The following EPHB1 variants were observed in gnomAD, a reference collection of about 807,000 sequenced individuals.
EPHB1 encodes ephrin type-B receptor 1.
In EPHB1, 30 loss-of-function variants were observed where a neutral mutation model predicts 94.4. That is an observed-to-expected ratio of 0.32 (90% confidence interval 0.24 to 0.43). The LOEUF (loss-of-function observed/expected upper bound fraction) is 0.43. Ranked by LOEUF, EPHB1 falls within the 20% of genes least tolerant of loss-of-function variation. EPHB1 has a pLI of 1.00. For synonymous variants in EPHB1, 522 were observed against 489.1 expected, an observed-to-expected ratio of 1.07 and a Z score of -0.89; for missense variants, 1,055 against 1,308.3, an observed-to-expected ratio of 0.81 and a Z score of 2.99.
At position 135,166,813 on chromosome 3, in the gene EPHB1, T is replaced by C. The variant is rs1012957871; in HGVS notation, c.1695-129T>C. ...TGCAGCAGGAGGGCTGAAGTGAGAG[T>C]TGCCCAGTCCCTAATCCTGGGAGAT... On this transcript the variant is annotated intron_variant, in intron 8 of 15. Transcript: ENST00000398015. 3 of 863,302 alleles carry C rather than the reference T, an allele frequency of 3.5e-6. No homozygotes were observed. In the Admixed American group the frequency reaches 6.9e-5, roughly 20 times the overall value. 53.5% of individuals were successfully genotyped at this position (863,302 alleles called of 1,614,324 possible).
intron 5 of EPHB1, among the ~76,000 whole-genome samples, chr3:135,152,338 A>G (rs529010100): frequency 6.6e-6 from 1 of 152,314 alleles, no homozygotes; most frequent in East Asian, 1.9e-4. Flanking sequence ...AGACTTACCT[A>G]AGTATAGAAC....
At chr3:135,119,403 T>C (rs900351853) in intron 4 of EPHB1, among the ~76,000 whole-genome samples, 6 of 152,286 alleles carry the variant, frequency 3.9e-5, no homozygotes, top group African/African-American at 1.4e-4. Context: ...TCCTTCCCAC[T>C]CTAAGGCATG....
At chr3:135,112,226 C>T (rs1261848213) in intron 4 of EPHB1, among the ~76,000 whole-genome samples, 1 of 152,118 alleles carries the variant, frequency 6.6e-6, no homozygotes, top group Non-Finnish European at 1.5e-5. Context: ...CCCCAGCTCA[C>T]CTAGGAGGAA....
At position 135,090,173 on chromosome 3, in the gene EPHB1, T is replaced by C. The variant is rs146173488; in HGVS notation, c.806-16275T>C. On this transcript the variant is annotated intron_variant, in intron 3 of 15. Transcript: ENST00000398015. ...GAGGCCTCACCCAGATGATCTGATT[T>C]GCAACATCCACTGGTCCATTCACAT... 1.9e-3 allele frequency among the ~76,000 whole-genome samples: 289 copies of C among 152,368 alleles called. 4 individuals are homozygous for C. Among genetic ancestry groups the C allele is most frequent in the African/African-American group, 6.7e-3 (280 of 41,590 alleles).
intron 1 of EPHB1, among the ~76,000 whole-genome samples, chr3:134,877,273 G>T (rs1041922615): frequency 2.6e-5 from 4 of 152,186 alleles, no homozygotes; most frequent in African/African-American, 7.2e-5. Flanking sequence ...GAGAGCCTTA[G>T]CTTCAGATGG....
In EPHB1 at chr3:134,896,048, C is replaced by T. The variant is rs181460153; in HGVS notation, c.59-29768C>T. On this transcript the variant is annotated intron_variant, in intron 1 of 15. Transcript: ENST00000398015. Reference sequence around the variant, plus strand: ...CTCTTTAGTTTTCTTCACACATCTGCCAGCAGGGAGGTGTAGCCTTCCTAG... The same window carrying T: ...CTCTTTAGTTTTCTTCACACATCTGTCAGCAGGGAGGTGTAGCCTTCCTAG... Among the ~76,000 whole-genome samples the T allele has an allele frequency of 8.5e-4, 130 of 152,150 alleles. 1 individual carries two copies. Among genetic ancestry groups the T allele is most frequent in the Middle Eastern group, 3.4e-3 (1 of 294 alleles).
intron 7 of EPHB1, among the ~76,000 whole-genome samples, chr3:135,165,440 G>A (rs142385496): frequency 3.3e-5 from 5 of 152,286 alleles, no homozygotes; most frequent in African/African-American, 7.2e-5. Context: ...CTTCTTGAGC[G>A]GGAACTCAGA....
chr3:135,058,474 A>G (rs907782213), intron 3 of EPHB1, among the ~76,000 whole-genome samples: 2 of 152,166 alleles, frequency 1.3e-5, no homozygotes, highest in Non-Finnish European at 2.9e-5. Flanking sequence ...CCAGATCTCA[A>G]GGTTACTGCT....
At chr3:134,850,838 CAG>C (rs1028182166) in intron 1 of EPHB1, among the ~76,000 whole-genome samples, 45 of 152,252 alleles carry the variant, frequency 3.0e-4, no homozygotes, top group African/African-American at 1.1e-3. Flanking sequence ...GAGGTGCAGA[CAG>C]TGTCCCCAGG....
At chr3:134,834,995 C>T (rs536450407) in intron 1 of EPHB1, among the ~76,000 whole-genome samples, 1 of 152,258 alleles carries the variant, frequency 6.6e-6, no homozygotes, top group South Asian at 2.1e-4. Context: ...ATGCTACTTC[C>T]TCAGTCAAGT....
chr3:134,802,161 G>A (rs2035946465), intron 1 of EPHB1, among the ~76,000 whole-genome samples: 1 of 152,166 alleles, frequency 6.6e-6, no homozygotes, highest in African/African-American at 2.4e-5. Flanking sequence ...GACAGGCCGG[G>A]CGCGGTGGCT....
intron 3 of EPHB1, among the ~76,000 whole-genome samples, chr3:135,030,417 T>C (rs1436058950): frequency 6.6e-6 from 1 of 152,216 alleles, no homozygotes; most frequent in Non-Finnish European, 1.5e-5. Flanking sequence ...GGATGTCCTT[T>C]CTGTTTGTTA....
At chr3:134,802,542 T>C (rs1184536171) in intron 1 of EPHB1, among the ~76,000 whole-genome samples, 1 of 152,096 alleles carries the variant, frequency 6.6e-6, no homozygotes, top group Non-Finnish European at 1.5e-5. Flanking sequence ...TCAAGAAGGC[T>C]AAGTGCCCTC....
intron 1 of EPHB1, among the ~76,000 whole-genome samples, chr3:134,863,015 G>T (rs990223742): frequency 6.6e-6 from 1 of 152,228 alleles, no homozygotes; most frequent in Admixed American, 6.5e-5. Flanking sequence ...TTCCTGGAGA[G>T]AAGCTGGGGT....
At chr3:134,797,689 G>T (rs917738070) in intron 1 of EPHB1, among the ~76,000 whole-genome samples, 2 of 152,278 alleles carry the variant, frequency 1.3e-5, no homozygotes, top group South Asian at 4.1e-4. Context: ...AGCTGCCCGC[G>T]GGTGCCATTG....
intron 3 of EPHB1, among the ~76,000 whole-genome samples, chr3:135,093,085 T>C (rs1262617073): frequency 6.6e-6 from 1 of 152,236 alleles, no homozygotes. Flanking sequence ...AGGCAGTGAC[T>C]AGCTGATATC....
intron 3 of EPHB1, among the ~76,000 whole-genome samples, chr3:135,005,646 G>C (rs565899922): frequency 5.3e-5 from 8 of 152,244 alleles, no homozygotes; most frequent in Non-Finnish European, 1.2e-4. Flanking sequence ...CCAGGTGCGG[G>C]ATATAATCTC....
intron 3 of EPHB1, among the ~76,000 whole-genome samples, chr3:135,093,611 A>G (rs1324976282): frequency 6.6e-6 from 1 of 151,920 alleles, no homozygotes; most frequent in African/African-American, 2.4e-5. Flanking sequence ...AGTCCCAGGT[A>G]TTCGGGAAGC....
At chr3:135,012,421 A>T (rs528261862) in intron 3 of EPHB1, among the ~76,000 whole-genome samples, 10 of 152,346 alleles carry the variant, frequency 6.6e-5, no homozygotes, top group Non-Finnish European at 1.0e-4. Flanking sequence ...TGGCTTGTAC[A>T]CACACACTTA....
Sources: allele counts gnomAD v4.1 joint callset (sites outside exome capture counted in the v4.1 genomes callset), GRCh38; gene constraint gnomAD v4.1.1; transcripts MANE v1.5; gene names NCBI Gene and HGNC (gene_info 2026-07-23, HGNC 2026-07-21).